The following SMAD3 variants were observed in gnomAD, a reference collection of about 807,000 sequenced individuals.
SMAD3 encodes the protein SMAD family member 3.
A neutral mutation model predicts 51.8 loss-of-function variants in SMAD3; 12 were observed. The observed-to-expected ratio is 0.23, with a 90% CI of 0.15 to 0.38. The LOEUF (loss-of-function observed/expected upper bound fraction) is 0.38. Among genes scored for constraint, SMAD3 ranks in the 10% least tolerant of loss-of-function variants. The pLI is 1.00. For missense variants in SMAD3, 294 were observed against 565.6 expected (o/e 0.52, Z 4.87); for synonymous variants, 238 against 227.7 (o/e 1.05, Z -0.41).
chr15:67,090,375 C>T (rs1277080170), intron 1 of SMAD3, among the ~76,000 whole-genome samples: 1 of 152,118 alleles, frequency 6.6e-6, no homozygotes, highest in Non-Finnish European at 1.5e-5. Context: ...CCTTCAGAGG[C>T]TGTGAAAGAG....
At chr15:67,070,983 C>T (rs1960040548) in intron 1 of SMAD3, among the ~76,000 whole-genome samples, 1 of 152,184 alleles carries the variant, frequency 6.6e-6, no homozygotes, top group African/African-American at 2.4e-5. Context: ...TTGAATTATT[C>T]AGTCCTTCGT....
rs985492528 is a variant in SMAD3 at position 67,098,968 on chromosome 15, G to A, written c.206+32608G>A. The A allele has an allele frequency of 1.0e-5, 7 of 702,316 alleles. No individual in the cohort carries two copies. The African/African-American group carries it at 1.0e-4, about 11-fold the overall frequency. 43.5% of individuals were successfully genotyped at this position (702,316 alleles called of 1,614,324 possible). A position where few individuals can be genotyped will look rare whatever the true frequency, so the allele number is the denominator to read the frequency against. On this transcript the variant is annotated intron_variant, in intron 1 of 8. Coordinates refer to ENST00000327367, the MANE Select transcript of SMAD3 (RefSeq NM_005902.4). ...CAGTGTTCTGAAATGCTTCACAAATGTGGACTTTTGCCCCAAACTGTGGAC... is the reference window on the plus strand; with the variant it reads ...CAGTGTTCTGAAATGCTTCACAAATATGGACTTTTGCCCCAAACTGTGGAC...
At chr15:67,113,244 G>A (rs28647290) in intron 1 of SMAD3, among the ~76,000 whole-genome samples, 18,732 of 92,252 alleles carry the variant, frequency 0.2, 4,337 homozygotes, top group East Asian at 0.34. Context: ...CTGCCACCAC[G>A]CCCGGCCAAT....
At chr15:67,189,686 A>G (rs1963310523) in intron 8 of SMAD3, among the ~76,000 whole-genome samples, 1 of 152,236 alleles carries the variant, frequency 6.6e-6, no homozygotes, top group Non-Finnish European at 1.5e-5. Context: ...AGCTGGCACC[A>G]GCGACTCCAG....
intron 1 of SMAD3, among the ~76,000 whole-genome samples, chr15:67,086,277 C>T (rs1424454515): frequency 6.6e-6 from 1 of 152,158 alleles, no homozygotes; most frequent in African/African-American, 2.4e-5. Context: ...TTACTCCCTG[C>T]TGCTTTGGTG....
chr15:67,180,653 C>A (rs1407858275), intron 5 of SMAD3, among the ~76,000 whole-genome samples: 1 of 151,692 alleles, frequency 6.6e-6, no homozygotes, highest in Admixed American at 6.6e-5. Flanking sequence ...CTGTTGGGAA[C>A]CCACTCGGCT....
At chr15:67,190,133 G>T (rs76701700) in intron 8 of SMAD3, among the ~76,000 whole-genome samples, 2,092 of 152,090 alleles carry the variant, frequency 0.014, 46 homozygotes, top group African/African-American at 0.048. Flanking sequence ...CCCTGCAATT[G>T]ACTTTACATA....
chr15:67,140,082 A>G (rs550987296), intron 1 of SMAD3, among the ~76,000 whole-genome samples: 4 of 151,806 alleles, frequency 2.6e-5, no homozygotes, highest in Non-Finnish European at 5.9e-5. Context: ...AGATGGCACC[A>G]TTGCATCCTA....
intron 1 of SMAD3, among the ~76,000 whole-genome samples, chr15:67,106,109 G>T (rs115343061): frequency 0.01 from 1,527 of 152,198 alleles, 23 homozygotes; most frequent in African/African-American, 0.033. Context: ...ACCCAAATCA[G>T]GATGTTTCTG....
intron 1 of SMAD3, among the ~76,000 whole-genome samples, chr15:67,149,343 G>C (rs1388606791): frequency 6.6e-6 from 1 of 152,156 alleles, no homozygotes; most frequent in African/African-American, 2.4e-5. Flanking sequence ...CAGGTGCTCT[G>C]AATCTCAGCT....
At chr15:67,152,924 G>C (rs1294991221) in intron 1 of SMAD3, among the ~76,000 whole-genome samples, 3 of 152,148 alleles carry the variant, frequency 2.0e-5, no homozygotes, top group Non-Finnish European at 4.4e-5. Flanking sequence ...TCTTTGCATG[G>C]GGGAAGGGAG....
At chr15:67,073,925 G>A (rs1292114160) in intron 1 of SMAD3, among the ~76,000 whole-genome samples, 1 of 152,082 alleles carries the variant, frequency 6.6e-6, no homozygotes, top group Non-Finnish European at 1.5e-5. Context: ...TGCCCGCCTC[G>A]GCCTCCCAAA....
At chr15:67,138,060 G>A (rs1961710932) in intron 1 of SMAD3, 1 of 1,551,816 alleles carries the variant, frequency 6.4e-7, no homozygotes, top group Non-Finnish European at 8.7e-7. Context: ...AACGTGGAAA[G>A]GCGCAGCTCT....
intron 5 of SMAD3, among the ~76,000 whole-genome samples, chr15:67,181,005 T>TAAATAAATAAATAAAA (rs1170449239): frequency 1.3e-5 from 2 of 150,078 alleles, no homozygotes; most frequent in South Asian, 4.3e-4. Context: ...AATAAATAAA[T>TAAATAAATAAATAAAA]AAAAAGAGAA....
intron 1 of SMAD3, among the ~76,000 whole-genome samples, chr15:67,086,481 A>G (rs1308352982): frequency 1.3e-5 from 2 of 152,314 alleles, no homozygotes; most frequent in Middle Eastern, 3.4e-3. Context: ...TCATTCAGGT[A>G]AAGGGATGGG....
At chr15:67,124,348 G>A (rs754744585) in intron 1 of SMAD3, among the ~76,000 whole-genome samples, 6 of 152,024 alleles carry the variant, frequency 3.9e-5, no homozygotes, top group Non-Finnish European at 7.4e-5. Context: ...TAGATGACCC[G>A]GCCAGCCATC....
intron 1 of SMAD3, among the ~76,000 whole-genome samples, chr15:67,128,925 G>A (rs1595916562): frequency 6.6e-6 from 1 of 152,184 alleles, no homozygotes; most frequent in African/African-American, 2.4e-5. Flanking sequence ...TAAAGGCGAT[G>A]TGCACCTTGA....
intron 1 of SMAD3, among the ~76,000 whole-genome samples, chr15:67,082,579 A>G (rs1277287680): frequency 6.6e-6 from 1 of 152,230 alleles, no homozygotes; most frequent in Non-Finnish European, 1.5e-5. Context: ...CTCTGAAAGC[A>G]TATATATAGG....
intron 1 of SMAD3, among the ~76,000 whole-genome samples, chr15:67,075,595 A>C (rs144048740): frequency 6.6e-6 from 1 of 152,302 alleles, no homozygotes; most frequent in African/African-American, 2.4e-5. Flanking sequence ...CTGTAAAATG[A>C]GGATGAAACT....
Sources: gnomAD v4.1 joint callset for allele counts (sites outside exome capture counted in the v4.1 genomes callset) on GRCh38, gnomAD v4.1.1 for gene constraint, MANE v1.5 for transcripts, NCBI Gene and HGNC (gene_info 2026-07-23, HGNC 2026-07-21) for gene names.